BBS7: variants seen among roughly 807,000 people sequenced by gnomAD.
BBS7 encodes the protein Bardet-Biedl syndrome 7.
Under a neutral mutation model 90.3 loss-of-function variants are expected in BBS7, and 50 were observed. The ratio of observed to expected loss-of-function variants is 0.55; its 90% CI spans 0.44 to 0.70. The LOEUF is 0.70. Among genes scored for constraint, BBS7 ranks in the 30% least tolerant of loss-of-function variants. The pLI is 0.00. For synonymous variants in BBS7, 235 were observed against 287.4 expected, an observed-to-expected ratio of 0.82 and a Z score of 1.85; for missense variants, 729 against 838.9, an observed-to-expected ratio of 0.87 and a Z score of 1.62.
intron 7 of BBS7, 123 bp from the exon 8 acceptor site, chr4:121,853,209 A>G (rs931350257): frequency 6.6e-6 from 6 of 908,156 alleles, no homozygotes; most frequent in African/African-American, 5.0e-5. Flanking sequence ...AACTTTGACC[A>G]AAATCAAGTG....
At chr4:121,840,990 A>G (rs1460173327) in intron 12 of BBS7, among the ~76,000 whole-genome samples, 2 of 151,976 alleles carry the variant, frequency 1.3e-5, no homozygotes, top group East Asian at 3.9e-4. Flanking sequence ...GGTGCATGCC[A>G]CCACACCCAG....
intron 5 of BBS7, chr4:121,858,699 G>A: frequency 3.6e-6 from 1 of 278,512 alleles, no homozygotes; most frequent in Non-Finnish European, 6.8e-6. Context: ...AAACAAAAAG[G>A]CAGGTAAAGG....
intron 5 of BBS7, chr4:121,858,522 T>G (rs1313338598): frequency 6.3e-6 from 1 of 158,028 alleles, no homozygotes; most frequent in Non-Finnish European, 1.4e-5. Context: ...AAATGAATTT[T>G]CCCTCTATCA....
At chr4:121,839,396 G>A (rs1280339787) in intron 13 of BBS7, among the ~76,000 whole-genome samples, 4 of 152,050 alleles carry the variant, frequency 2.6e-5, no homozygotes, top group Non-Finnish European at 5.9e-5. Context: ...GCAAAATCCA[G>A]TTTCTATTTA....
chr4:121,846,449 TA>T (rs2149069827), intron 10 of BBS7, among the ~76,000 whole-genome samples: 1 of 152,298 alleles, frequency 6.6e-6, no homozygotes, highest in East Asian at 1.9e-4. Flanking sequence ...TACTGCTAAA[TA>T]TTACATATTT....
intron 1 of BBS7, 84 bp downstream of exon 1, chr4:121,870,194 G>A (rs1727508956): frequency 1.9e-6 from 3 of 1,581,112 alleles, no homozygotes; most frequent in East Asian, 4.5e-5. Context: ...CCTGGCGACC[G>A]AGACTTTCGT....
At chr4:121,849,959 TG>T (rs1340189692) in intron 8 of BBS7, among the ~76,000 whole-genome samples, 2 of 152,206 alleles carry the variant, frequency 1.3e-5, no homozygotes, top group Admixed American at 1.3e-4. Context: ...AGAAAGAATA[TG>T]GTAACCTATA....
chr4:121,863,441 G>C (rs1052991068), intron 2 of BBS7, among the ~76,000 whole-genome samples, 162 bp from the exon 3 acceptor site: 2 of 152,014 alleles, frequency 1.3e-5, no homozygotes, highest in African/African-American at 2.4e-5. Flanking sequence ...AAAAGAACAA[G>C]AGCCAAAAGA....
intron 9 of BBS7, 144 bp downstream of exon 9, chr4:121,848,700 C>A (rs1726142288): frequency 3.1e-6 from 2 of 649,894 alleles, no homozygotes; most frequent in African/African-American, 1.8e-5. Context: ...GAGGCTTCCA[C>A]TGGGGGTCTT....
chr4:121,855,526 T>G lies in BBS7; in HGVS notation c.564A>C (p.Gly188=). ...SDVMYAVEVP[G]PPTVLALHNG... ...TGTGTAGTGCTAAGACAGTAGGGGGTCCAGGAACTTCAACTGCATACATCA... is the reference window on the plus strand; with the variant it reads ...TGTGTAGTGCTAAGACAGTAGGGGGGCCAGGAACTTCAACTGCATACATCA... The change falls in exon 6 of 19, where the codon GGA becomes GGC. Residue 188 remains glycine (G), a synonymous_variant. Coordinates refer to ENST00000264499, the MANE Select transcript of BBS7 (RefSeq NM_176824.3). 6.2e-7 allele frequency: 1 copy of G among 1,613,524 alleles called. No individual in the cohort carries two copies. The highest frequency in any genetic ancestry group is 8.5e-7 in the Non-Finnish European group (1 of 1,179,752).
In BBS7 at chr4:121,853,091, A is replaced by T; in HGVS notation, c.719-5T>A. On this transcript the variant is annotated splice_region_variant and splice_polypyrimidine_tract_variant and intron_variant, in intron 7 of 18. Coordinates refer to ENST00000264499, the MANE Select transcript of BBS7 (RefSeq NM_176824.3). The stretch of plus-strand genomic sequence containing the variant: ...AGCTGTCAATACACAAAATACCTTT[A>T]AAAAGAGATATGTGATAAGTTATTA... 6.2e-7 allele frequency: 1 copy of T among 1,612,260 alleles called. No homozygotes were observed. Among genetic ancestry groups the T allele is most frequent in the Non-Finnish European group, 8.5e-7 (1 of 1,178,392 alleles).
intron 7 of BBS7, among the ~76,000 whole-genome samples, chr4:121,854,074 C>T (rs1197783942): frequency 6.6e-6 from 1 of 152,158 alleles, no homozygotes; most frequent in East Asian, 1.9e-4. Context: ...TTCTAAGAGG[C>T]TATCTTTGAC....
At chr4:121,857,294 T>G (rs1051214752) in intron 5 of BBS7, among the ~76,000 whole-genome samples, 2 of 151,948 alleles carry the variant, frequency 1.3e-5, no homozygotes, top group Non-Finnish European at 2.9e-5. Flanking sequence ...CAGCTAAATT[T>G]TTTTTAAGAG....
At chr4:121,854,212 A>G (rs1255312206) in intron 7 of BBS7, among the ~76,000 whole-genome samples, 1 of 152,116 alleles carries the variant, frequency 6.6e-6, no homozygotes, top group Admixed American at 6.5e-5. Context: ...GTCTCTCCTA[A>G]TAAGTATTTG....
chr4:121,827,923 A>T, intron 18 of BBS7: 1 of 1,319,674 alleles, frequency 7.6e-7, no homozygotes, highest in Non-Finnish European at 9.7e-7. Flanking sequence ...ATTTCTTAAT[A>T]TACTTGCATT....
intron 18 of BBS7, among the ~76,000 whole-genome samples, chr4:121,827,100 G>GA (rs375135809): frequency 1.3e-5 from 2 of 152,128 alleles, no homozygotes; most frequent in Non-Finnish European, 2.9e-5. Context: ...AATTATTTAT[G>GA]AAAAAAACTT....
chr4:121,861,587 T>C lies in BBS7; in HGVS notation c.258A>G (p.Ala86=). ...NTPQEKIFIA[A]ASEIRGFTKR... ...TTGTGAAGCCTCTAATCTCAGATGC[T>C]GCAGCAATAAAAATTTTCTCCTGAG... The change falls in exon 4 of 19, where the codon GCA becomes GCG. Residue 86 remains alanine (A), a synonymous_variant. Transcript: ENST00000264499. The C allele has an allele frequency of 1.2e-6, 2 of 1,613,892 alleles. No homozygotes were observed. Among genetic ancestry groups the C allele is most frequent in the South Asian group, 1.1e-5 (1 of 91,078 alleles).
At chr4:121,861,379 TA>T in intron 4 of BBS7, 124 bp downstream of exon 4, 2 of 958,422 alleles carry the variant, frequency 2.1e-6, no homozygotes, top group South Asian at 1.7e-5. Flanking sequence ...TTCTGACTAA[TA>T]AAATACCTTT....
At chr4:121,838,961 T>C (rs1725595729) in intron 13 of BBS7, among the ~76,000 whole-genome samples, 1 of 151,250 alleles carries the variant, frequency 6.6e-6, no homozygotes, top group Non-Finnish European at 1.5e-5. Context: ...ATCAGTAAAA[T>C]CTGAACATTA....
Sources: allele counts gnomAD v4.1 joint callset (sites outside exome capture counted in the v4.1 genomes callset), GRCh38; gene constraint gnomAD v4.1.1; transcripts MANE v1.5; gene names NCBI Gene and HGNC (gene_info 2026-07-23, HGNC 2026-07-21).